Variants in TBL1X observed in about 807,000 individuals in gnomAD.
TBL1X encodes the protein F-box-like/WD repeat-containing protein TBL1X.
A neutral mutation model predicts 50.7 loss-of-function variants in TBL1X; 10 were observed. That is an observed-to-expected ratio of 0.20 (90% CI 0.12 to 0.33). The LOEUF (loss-of-function observed/expected upper bound fraction) is 0.33. Among genes scored for constraint, TBL1X ranks in the 10% least tolerant of loss-of-function variants. The probability of loss-of-function intolerance (pLI) is 1.00; values close to 1 mark genes in which losing one functional copy is unlikely to be tolerated. For synonymous variants in TBL1X, 190 were observed against 214.7 expected, an observed-to-expected ratio of 0.88 and a Z score of 1.01; for missense variants, 340 against 504.4, an observed-to-expected ratio of 0.67 and a Z score of 3.12.
intron 1 of TBL1X, among the ~76,000 whole-genome samples, chrX:9,497,757 C>CCTCCCTCTCTCT (rs1569207414): frequency 1.3e-5 from 1 of 78,684 alleles, no homozygotes. Flanking sequence ...TCCCTCCCTC[C>CCTCCCTCTCTCT]CTCCCTCCCT....
At chrX:9,545,442 G>A (rs1298942432) in intron 2 of TBL1X, among the ~76,000 whole-genome samples, 3 of 109,058 alleles carry the variant, frequency 2.8e-5, no homozygotes, top group South Asian at 4.0e-4. Flanking sequence ...TACTGCTTGA[G>A]AGGCTGAGGT....
upstream of TBL1X, among the ~76,000 whole-genome samples, chrX:9,464,039 G>T (rs188262063): frequency 5.4e-3 from 602 of 112,041 alleles, 2 homozygotes; most frequent in African/African-American, 0.018. Flanking sequence ...TTAGCACGAA[G>T]CTCATTATAT....
chrX:9,481,526 A>G (rs1043541647), intron 1 of TBL1X, among the ~76,000 whole-genome samples: 1 of 112,075 alleles, frequency 8.9e-6, no homozygotes, highest in African/African-American at 3.2e-5. Context: ...CTTTTGTAGC[A>G]GGACACAATT....
intron 3 of TBL1X, among the ~76,000 whole-genome samples, chrX:9,640,694 A>T (rs752265537): frequency 9.0e-6 from 1 of 111,123 alleles, no homozygotes. Flanking sequence ...GCAGTGGTGC[A>T]ATCTCGGCTC....
rs1336838590 is a variant in TBL1X at position 9,593,652 on chromosome X, C to A, written c.-130-46621C>A. On this transcript the variant is annotated intron_variant, in intron 2 of 17. Transcript: ENST00000645353. ...GTACTCCAGTGATGGAGACCCTTTC[C>A]CCACCTTTTCTCTCACCTCTCCTCC... Among the ~76,000 whole-genome samples the A allele has an allele frequency of 2.7e-5, 3 of 110,359 alleles. 1 individual carries two copies. Among genetic ancestry groups the A allele is most frequent in the African/African-American group, 9.9e-5 (3 of 30,305 alleles).
chrX:9,571,452 T>C (rs774790951), intron 2 of TBL1X, among the ~76,000 whole-genome samples: 4 of 112,212 alleles, frequency 3.6e-5, no homozygotes, highest in African/African-American at 9.7e-5. Context: ...AAGATAGCCA[T>C]ATGCACAATT....
At chrX:9,499,489 C>T (rs762904983) in intron 1 of TBL1X, among the ~76,000 whole-genome samples, 6 of 111,679 alleles carry the variant, frequency 5.4e-5, no homozygotes, top group Non-Finnish European at 1.1e-4. Flanking sequence ...GAATAAAAAA[C>T]GCTGATGTTT....
intron 1 of TBL1X, among the ~76,000 whole-genome samples, chrX:9,490,894 T>C (rs1231092005): frequency 2.7e-5 from 3 of 112,073 alleles, no homozygotes; most frequent in African/African-American, 9.7e-5. Context: ...TGAGCTTATT[T>C]TTTTTCTAAG....
At chrX:9,666,871 T>C (rs755945167) in intron 5 of TBL1X, among the ~76,000 whole-genome samples, 58 of 112,351 alleles carry the variant, frequency 5.2e-4, no homozygotes, top group Non-Finnish European at 1.0e-3. Flanking sequence ...ATTTTACTTA[T>C]AAGGTATACA....
At chrX:9,593,461 A>C (rs17280726) in intron 2 of TBL1X, among the ~76,000 whole-genome samples, 1,465 of 110,814 alleles carry the variant, frequency 0.013, 59 homozygotes, top group East Asian at 0.098. Flanking sequence ...TCTGTATTGA[A>C]GAACACCAGC....
At chrX:9,496,160 C>T (rs1235648454) in intron 1 of TBL1X, among the ~76,000 whole-genome samples, 2 of 112,095 alleles carry the variant, frequency 1.8e-5, no homozygotes, top group African/African-American at 3.2e-5. Flanking sequence ...GGAAAGCGTG[C>T]GGTGAGGAGG....
chrX:9,557,702 T>C (rs181738339), intron 2 of TBL1X, among the ~76,000 whole-genome samples: 159 of 111,525 alleles, frequency 1.4e-3, no homozygotes, highest in Admixed American at 3.2e-3. Flanking sequence ...AGAGGAAATA[T>C]GGGCATGAAA....
At chrX:9,588,405 T>C (rs1249011867) in intron 2 of TBL1X, among the ~76,000 whole-genome samples, 1 of 111,559 alleles carries the variant, frequency 9.0e-6, no homozygotes, top group East Asian at 2.8e-4. Context: ...GTGAATAATA[T>C]TTTAATGTGA....
intron 5 of TBL1X, among the ~76,000 whole-genome samples, chrX:9,655,163 C>T (rs778753908): frequency 2.7e-5 from 3 of 111,036 alleles, no homozygotes; most frequent in African/African-American, 9.8e-5. Flanking sequence ...CAGGTGGATT[C>T]GTTTCCTAGG....
chrX:9,609,959 G>C (rs16998756), intron 2 of TBL1X, among the ~76,000 whole-genome samples: 2,524 of 112,559 alleles, frequency 0.022, 60 homozygotes, highest in African/African-American at 0.076. Context: ...TTGAATCCCA[G>C]TTATTTTAAG....
At chrX:9,527,220 G>A (rs1026991915) in intron 2 of TBL1X, among the ~76,000 whole-genome samples, 26 of 111,979 alleles carry the variant, frequency 2.3e-4, no homozygotes, top group Non-Finnish European at 4.3e-4. Context: ...GCTCAGCAGC[G>A]TCTCAGGAGA....
At chrX:9,508,458 G>A (rs1234213462) in intron 2 of TBL1X, among the ~76,000 whole-genome samples, 1 of 112,084 alleles carries the variant, frequency 8.9e-6, no homozygotes, top group East Asian at 2.8e-4. Context: ...CAAGGCTGTG[G>A]GGAAATAGGA....
At chrX:9,658,404 C>T (rs752901946) in intron 5 of TBL1X, among the ~76,000 whole-genome samples, 1 of 110,610 alleles carries the variant, frequency 9.0e-6, no homozygotes, top group Admixed American at 9.6e-5. Context: ...GGAGCGAGCC[C>T]CTAGAAATGT....
chrX:9,492,883 GTGT>G (rs2081953263), intron 1 of TBL1X, among the ~76,000 whole-genome samples: 1 of 44,251 alleles, frequency 2.3e-5, no homozygotes, highest in Non-Finnish European at 4.5e-5. Context: ...GTGTGTGTGT[GTGT>G]GTGTGTGTGT....
Sources: gnomAD v4.1 joint callset for allele counts (sites outside exome capture counted in the v4.1 genomes callset) on GRCh38, gnomAD v4.1.1 for gene constraint, MANE v1.5 for transcripts, NCBI Gene and HGNC (gene_info 2026-07-23, HGNC 2026-07-21) for gene names.